Variants in TRIQK observed in about 807,000 individuals in gnomAD.
TRIQK encodes the protein triple QxxK/R motif containing, also known as triple QxxK/R motif-containing protein.
TRIQK carries 10 observed loss-of-function variants against 10.8 expected under a neutral mutation model. The observed-to-expected ratio is 0.92, with a 90% CI of 0.57 to 1.57. The LOEUF (loss-of-function observed/expected upper bound fraction) is 1.57, where lower values mean the gene tolerates loss of function less well. Among genes scored for constraint, TRIQK ranks in the 40% most tolerant of loss-of-function variants. The pLI, the probability that TRIQK is intolerant of heterozygous loss-of-function variation, is 0.00. For missense variants in TRIQK, 107 were observed against 97.7 expected, an observed-to-expected ratio of 1.09 and a Z score of -0.40; for synonymous variants, 33 against 33.7, an observed-to-expected ratio of 0.98 and a Z score of 0.07.
intron 2 of TRIQK, chr8:92,953,318 G>A (rs988244998): frequency 1.3e-5 from 2 of 151,942 alleles, no homozygotes; most frequent in African/African-American, 2.4e-5. Context: ...GGGCCACTCC[G>A]GTTACTAGAG....
chr8:93,014,328 T>C (rs2130765211), intron 1 of TRIQK, among the ~76,000 whole-genome samples: 1 of 152,208 alleles, frequency 6.6e-6, no homozygotes, highest in South Asian at 2.1e-4. Context: ...AGTAATGATA[T>C]ATATGCAAGC....
chr8:92,985,509 G>A (rs574153409), intron 1 of TRIQK, among the ~76,000 whole-genome samples: 3 of 152,264 alleles, frequency 2.0e-5, no homozygotes, highest in African/African-American at 7.2e-5. Context: ...GGATAGCTTA[G>A]TGTAGAGACA....
At chr8:93,005,737 TC>T (rs1213212814) in intron 1 of TRIQK, among the ~76,000 whole-genome samples, 2 of 152,260 alleles carry the variant, frequency 1.3e-5, no homozygotes, top group East Asian at 3.9e-4. Context: ...AAGTGGTTTT[TC>T]TCTACTTCTA....
intron 1 of TRIQK, among the ~76,000 whole-genome samples, chr8:92,975,951 T>A (rs537587400): frequency 6.6e-5 from 10 of 152,102 alleles, no homozygotes; most frequent in African/African-American, 2.4e-4. Flanking sequence ...TTATTTACTT[T>A]CCAAATATTT....
At chr8:92,989,786 G>A (rs1293162761) in intron 1 of TRIQK, among the ~76,000 whole-genome samples, 1 of 152,080 alleles carries the variant, frequency 6.6e-6, no homozygotes, top group Admixed American at 6.5e-5. Flanking sequence ...CCACAAAGCT[G>A]GTCCCTGGTG....
At chr8:93,010,918 T>C (rs279955) in intron 1 of TRIQK, among the ~76,000 whole-genome samples, 105,789 of 151,904 alleles carry the variant, frequency 0.7, 37,212 homozygotes, top group South Asian at 0.78. Context: ...TTATGCTATT[T>C]GAAAGAAGAA....
Position 92,884,626 on chromosome 8 carries a change from T to A in TRIQK, c.*1996A>T. On this transcript the variant is annotated 3_prime_UTR_variant, in exon 5 of 5. Coordinates refer to ENST00000521988, the MANE Select transcript of TRIQK (RefSeq NM_001171797.2). ...AATGGTAAAGTTTTTTTCAGGATAA[T>A]GAATTTTCAAACATTTCCAAGACCA... 1 of 327,424 alleles carries A rather than the reference T, an allele frequency of 3.1e-6. No homozygotes were observed. 20.3% of individuals were successfully genotyped at this position (327,424 alleles called of 1,614,324 possible). A position where few individuals can be genotyped will look rare whatever the true frequency, so the allele number is the denominator to read the frequency against.
At chr8:92,918,352 AT>A (rs1451704051) in intron 2 of TRIQK, among the ~76,000 whole-genome samples, 5 of 151,676 alleles carry the variant, frequency 3.3e-5, no homozygotes, top group Admixed American at 2.6e-4. Context: ...GTGTATGACC[AT>A]TTCCTTTTTT....
chr8:92,994,388 C>A (rs1586525707), intron 1 of TRIQK, among the ~76,000 whole-genome samples: 1 of 143,664 alleles, frequency 7.0e-6, no homozygotes, highest in East Asian at 2.0e-4. Flanking sequence ...TCCTTTTTTT[C>A]AACATTTTAA....
chr8:92,958,268 A>G (rs1812276058), intron 1 of TRIQK, among the ~76,000 whole-genome samples: 2 of 151,898 alleles, frequency 1.3e-5, no homozygotes, highest in East Asian at 3.9e-4. Context: ...AATGTTGCTC[A>G]GCCCTAGCCT....
chr8:92,925,853 T>C (rs1223934176), intron 2 of TRIQK, among the ~76,000 whole-genome samples: 1 of 152,188 alleles, frequency 6.6e-6, no homozygotes, highest in African/African-American at 2.4e-5. Context: ...GATATTTATG[T>C]AAGAGAGATA....
intron 1 of TRIQK, among the ~76,000 whole-genome samples, chr8:92,987,960 A>G (rs1022440677): frequency 6.6e-6 from 1 of 150,886 alleles, no homozygotes; most frequent in Admixed American, 6.6e-5. Context: ...TTTAGATGAC[A>G]TAATCGTCGT....
intron 4 of TRIQK, among the ~76,000 whole-genome samples, chr8:92,891,153 T>G (rs911138110): frequency 4.0e-5 from 6 of 151,880 alleles, no homozygotes; most frequent in Non-Finnish European, 7.4e-5. Context: ...ACCAAATATA[T>G]CATCTGGCAG....
At chr8:92,901,317 T>C (rs1380035520) in intron 3 of TRIQK, among the ~76,000 whole-genome samples, 1 of 152,196 alleles carries the variant, frequency 6.6e-6, no homozygotes, top group Non-Finnish European at 1.5e-5. Context: ...AGTCTTGTCT[T>C]GTTCCAGATC....
rs1294592679 is a variant in TRIQK at position 92,885,007 on chromosome 8, A to G, written c.*1615T>C. The G allele has an allele frequency of 8.8e-6, 4 of 455,982 alleles. No individual in the cohort carries two copies. The highest frequency in any genetic ancestry group is 7.0e-5 in the East Asian group (1 of 14,358). The allele number at this position is 455,982 out of a possible 1,614,324, so 28.2% of individuals were successfully genotyped here. A position where few individuals can be genotyped will look rare whatever the true frequency, so the allele number is the denominator to read the frequency against. On this transcript the variant is annotated 3_prime_UTR_variant, in exon 5 of 5. Transcript: ENST00000521988. The stretch of plus-strand genomic sequence containing the variant: ...TGCTGCAACCTTTCCTAAAAATGCC[A>G]CTTGGATTGGTCCGCTGTGGTGAGT...
intron 3 of TRIQK, among the ~76,000 whole-genome samples, chr8:92,894,298 T>C (rs888594048): frequency 2.6e-5 from 4 of 152,148 alleles, no homozygotes; most frequent in Admixed American, 2.0e-4. Context: ...GTCTGGTAGG[T>C]TCTTTATAAC....
chr8:92,984,417 A>T (rs555927216), intron 1 of TRIQK, among the ~76,000 whole-genome samples: 59 of 152,252 alleles, frequency 3.9e-4, no homozygotes, highest in Non-Finnish European at 6.9e-4. Context: ...CAAGGGGGAA[A>T]AAAGTGTTTC....
At position 92,885,382 on chromosome 8, in the gene TRIQK, G is replaced by A. The variant is rs1816422860; in HGVS notation, c.*1240C>T. 1 of 189,588 alleles carries A rather than the reference G, an allele frequency of 5.3e-6. No homozygotes were observed. The highest frequency in any genetic ancestry group is 1.1e-5 in the Non-Finnish European group (1 of 89,492). 11.7% of individuals were successfully genotyped at this position (189,588 alleles called of 1,614,324 possible). On this transcript the variant is annotated 3_prime_UTR_variant, in exon 5 of 5. Coordinates refer to ENST00000521988, the MANE Select transcript of TRIQK (RefSeq NM_001171797.2). ...TTTATTTATTCTTCATAAATACAAT[G>A]TATATAATATAAAACACTTTGTGCA...
intron 1 of TRIQK, among the ~76,000 whole-genome samples, chr8:93,013,075 T>C (rs1459839604): frequency 6.6e-6 from 1 of 152,184 alleles, no homozygotes; most frequent in African/African-American, 2.4e-5. Context: ...CTTTGCTAAA[T>C]GTTTTCAGGA....
Sources: gnomAD v4.1 joint callset for allele counts (sites outside exome capture counted in the v4.1 genomes callset) on GRCh38, gnomAD v4.1.1 for gene constraint, MANE v1.5 for transcripts, NCBI Gene and HGNC (gene_info 2026-07-23, HGNC 2026-07-21) for gene names.